Variants in TMEM245 observed in about 807,000 individuals in gnomAD.
TMEM245 encodes the protein protein CG-2.
A neutral mutation model predicts 101.2 loss-of-function variants in TMEM245; 69 were observed. The ratio of observed to expected loss-of-function variants is 0.68; its 90% CI spans 0.56 to 0.83. The LOEUF is 0.83. Ranked by LOEUF, TMEM245 falls within the 40% of genes least tolerant of loss-of-function variation. TMEM245 has a pLI of 0.00. For synonymous variants in TMEM245, 537 were observed against 449.8 expected (o/e 1.19, Z -2.45); for missense variants, 1,075 against 1,092.8 (o/e 0.98, Z 0.23).
intron 16 of TMEM245, among the ~76,000 whole-genome samples, chr9:109,034,752 C>CT (rs960132951): frequency 3.9e-5 from 6 of 151,976 alleles, no homozygotes; most frequent in African/African-American, 1.4e-4. Context: ...AGCCTTAAAG[C>CT]TTTTTTTAAA....
chr9:109,097,841 A>C (rs563753371), intron 3 of TMEM245, among the ~76,000 whole-genome samples: 1 of 152,322 alleles, frequency 6.6e-6, no homozygotes, highest in African/African-American at 2.4e-5. Flanking sequence ...GAATCACTTG[A>C]ACCCGGGAGG....
In TMEM245 at chr9:109,020,343, T is replaced by A. The variant is rs1827582022; in HGVS notation, c.*117A>T. 1 of 989,058 alleles carries A rather than the reference T, an allele frequency of 1.0e-6. No homozygotes were observed. Among genetic ancestry groups the A allele is most frequent in the East Asian group, 2.4e-5 (1 of 41,980 alleles). 61.3% of individuals were successfully genotyped at this position (989,058 alleles called of 1,614,324 possible). A position where few individuals can be genotyped will look rare whatever the true frequency, so the allele number is the denominator to read the frequency against. ...TCTGTATGTAAGGCCAGGAGGCTTC[T>A]GCTTCTTTCCTGGGTTTTGCTTGCT... is the stretch of plus-strand genomic sequence containing the variant. On this transcript the variant is annotated 3_prime_UTR_variant, in exon 18 of 18. Coordinates refer to ENST00000374586, the MANE Select transcript of TMEM245 (RefSeq NM_032012.4).
chr9:109,091,227 T>A (rs987947297), intron 4 of TMEM245, 72 bp from the exon 5 acceptor site: 2 of 1,353,670 alleles, frequency 1.5e-6, no homozygotes, highest in South Asian at 1.3e-5. Context: ...GAGCCACTCA[T>A]TAGGCTAGCC....
chr9:109,061,899 C>T (rs1360365791), intron 10 of TMEM245, among the ~76,000 whole-genome samples: 2 of 151,730 alleles, frequency 1.3e-5, no homozygotes, highest in Non-Finnish European at 2.9e-5. Context: ...TCATGAGTAA[C>T]ACTGCAATGA....
At chr9:109,050,464 G>T in intron 13 of TMEM245, 36 bp from the exon 14 acceptor site, 2 of 1,612,472 alleles carry the variant, frequency 1.2e-6, no homozygotes, top group African/African-American at 1.3e-5. Flanking sequence ...TAAAAAAATC[G>T]TATTTGGAAA....
At chr9:109,053,296 G>A (rs1828739637) in intron 12 of TMEM245, among the ~76,000 whole-genome samples, 1 of 152,104 alleles carries the variant, frequency 6.6e-6, no homozygotes, top group Non-Finnish European at 1.5e-5. Context: ...ATGTGGTGGT[G>A]CATGCCTGTA....
At chr9:109,102,077 G>C (rs993899496) in intron 3 of TMEM245, among the ~76,000 whole-genome samples, 4 of 152,136 alleles carry the variant, frequency 2.6e-5, no homozygotes, top group South Asian at 4.1e-4. Flanking sequence ...GCCATTAGGT[G>C]AAAGAAAACA....
intron 3 of TMEM245, among the ~76,000 whole-genome samples, chr9:109,097,048 G>C (rs1343278935): frequency 6.6e-6 from 1 of 152,224 alleles, no homozygotes; most frequent in Non-Finnish European, 1.5e-5. Flanking sequence ...TAAACTGTTA[G>C]GGAGCAGCGT....
chr9:109,026,666 G>T (rs986498618), intron 17 of TMEM245, among the ~76,000 whole-genome samples: 13 of 150,902 alleles, frequency 8.6e-5, no homozygotes, highest in Admixed American at 6.6e-4. Flanking sequence ...ATACGTGATA[G>T]AGTTTGGCTG....
chr9:109,106,154 G>T (rs998327724), intron 3 of TMEM245, among the ~76,000 whole-genome samples: 2 of 150,596 alleles, frequency 1.3e-5, no homozygotes, highest in East Asian at 2.0e-4. Context: ...GAGCCCAGGA[G>T]TTCAAGGTTA....
chr9:109,042,339 G>A (rs1828336294), intron 14 of TMEM245: 1 of 151,924 alleles, frequency 6.6e-6, no homozygotes, highest in Non-Finnish European at 1.5e-5. Context: ...TCTTTTTGGA[G>A]GATTTAAAGG....
intron 14 of TMEM245, among the ~76,000 whole-genome samples, chr9:109,045,731 G>T (rs1421013344): frequency 6.6e-6 from 1 of 152,146 alleles, no homozygotes; most frequent in South Asian, 2.1e-4. Flanking sequence ...ATTTACCTTG[G>T]AAACTTAAGT....
At chr9:109,085,556 G>A (rs1325453504) in intron 7 of TMEM245, among the ~76,000 whole-genome samples, 1 of 152,096 alleles carries the variant, frequency 6.6e-6, no homozygotes, top group Non-Finnish European at 1.5e-5. Flanking sequence ...ATCTGCCAAG[G>A]AAACCATACA....
chr9:109,118,978 G>A (rs1830809699), intron 1 of TMEM245, among the ~76,000 whole-genome samples: 1 of 152,124 alleles, frequency 6.6e-6, no homozygotes, highest in African/African-American at 2.4e-5. Flanking sequence ...GAGGGTGGCC[G>A]AAGCACCCCC....
At chr9:109,086,897 C>A (rs1829855429) in intron 6 of TMEM245, among the ~76,000 whole-genome samples, 1 of 152,192 alleles carries the variant, frequency 6.6e-6, no homozygotes, top group Non-Finnish European at 1.5e-5. Flanking sequence ...CTTAACCTCT[C>A]TGGATTTCAA....
intron 17 of TMEM245, among the ~76,000 whole-genome samples, chr9:109,031,671 A>AT (rs1310543067): frequency 6.6e-6 from 1 of 152,204 alleles, no homozygotes; most frequent in Non-Finnish European, 1.5e-5. Flanking sequence ...ATACCTTGAT[A>AT]TGAGTAGTGG....
At chr9:109,117,661 T>C (rs897906229) in intron 1 of TMEM245, among the ~76,000 whole-genome samples, 2 of 152,242 alleles carry the variant, frequency 1.3e-5, no homozygotes, top group Non-Finnish European at 2.9e-5. Context: ...TGCCTCATAA[T>C]CATGCCAAAT....
At position 109,096,049 on chromosome 9, in the gene TMEM245, A is replaced by T. The variant is rs1270749013; in HGVS notation, c.800-2458T>A. On this transcript the variant is annotated intron_variant, in intron 3 of 17. Coordinates refer to ENST00000374586, the MANE Select transcript of TMEM245 (RefSeq NM_032012.4). ...GAAGAGTCAAAGCGGACCACACTTGATGAGGAAGCAATGAAGGGAATCAAA... is the reference window on the plus strand; with the variant it reads ...GAAGAGTCAAAGCGGACCACACTTGTTGAGGAAGCAATGAAGGGAATCAAA... Among the ~76,000 whole-genome samples the T allele has an allele frequency of 2.0e-5, 3 of 152,360 alleles. No homozygotes were observed. In the South Asian group the frequency reaches 6.2e-4, roughly 32 times the overall value.
intron 17 of TMEM245, among the ~76,000 whole-genome samples, chr9:109,025,223 G>A (rs1240712023): frequency 6.6e-6 from 1 of 152,136 alleles, no homozygotes; most frequent in African/African-American, 2.4e-5. Context: ...GGTTTATGGG[G>A]AGTATCTTTA....
Sources: allele counts gnomAD v4.1 joint callset (sites outside exome capture counted in the v4.1 genomes callset), GRCh38; gene constraint gnomAD v4.1.1; transcripts MANE v1.5; gene names NCBI Gene and HGNC (gene_info 2026-07-23, HGNC 2026-07-21).